The following SLC12A2 variants were observed in gnomAD, a reference collection of about 807,000 sequenced individuals.
The protein encoded by SLC12A2 is Na-K-2Cl cotransporter 1.
SLC12A2 carries 67 observed loss-of-function variants against 136.3 expected under a neutral mutation model. The observed-to-expected ratio is 0.49, with a 90% CI of 0.40 to 0.60. SLC12A2 has a LOEUF of 0.60. Ranked by LOEUF, SLC12A2 falls within the 20% of genes least tolerant of loss-of-function variation. The pLI, the probability that SLC12A2 is intolerant of heterozygous loss-of-function variation, is 0.00. For synonymous variants in SLC12A2, 619 were observed against 562.9 expected (o/e 1.10, Z -1.41); for missense variants, 1,322 against 1,534.7 (o/e 0.86, Z 2.32).
chr5:128,144,187 AG>A (rs1417898286), intron 10 of SLC12A2, among the ~76,000 whole-genome samples: 1 of 152,146 alleles, frequency 6.6e-6, no homozygotes, highest in Non-Finnish European at 1.5e-5. Context: ...AAGATAGAAA[AG>A]TTTGTTGTCT....
intron 18 of SLC12A2, chr5:128,168,659 G>C (rs547529948): frequency 6.6e-6 from 1 of 152,370 alleles, no homozygotes; most frequent in South Asian, 2.1e-4. Context: ...GGGGTGATGG[G>C]AGACAATTGA....
rs771476150 is a variant in SLC12A2, at chr5:128,153,862, C to T, written c.2363+1057C>T. Among the ~76,000 whole-genome samples the T allele has an allele frequency of 3.4e-4, 51 of 152,052 alleles. 1 individual carries two copies. The highest frequency in any genetic ancestry group is 6.2e-4 in the Non-Finnish European group (42 of 68,004). On this transcript the variant is annotated intron_variant, in intron 15 of 26. Coordinates refer to ENST00000262461, the MANE Select transcript of SLC12A2 (RefSeq NM_001046.3). ...GACTAAAAAGGTCTGAGAGACCACA[C>T]GCAGGTCTTCAGCTTTAGGGTAGAC...
chr5:128,128,851 GA>G (rs918876608), intron 4 of SLC12A2, among the ~76,000 whole-genome samples: 1 of 151,176 alleles, frequency 6.6e-6, no homozygotes, highest in African/African-American at 2.4e-5. Context: ...AAGTGGGAAG[GA>G]ATAGGGCAAA....
intron 10 of SLC12A2, among the ~76,000 whole-genome samples, chr5:128,144,467 T>G (rs1376440540): frequency 6.6e-6 from 1 of 152,184 alleles, no homozygotes; most frequent in Non-Finnish European, 1.5e-5. Flanking sequence ...CTTCAGGGAA[T>G]AAAGTTATTT....
chr5:128,127,338 G>A (rs1237944257), intron 4 of SLC12A2, among the ~76,000 whole-genome samples: 1 of 151,810 alleles, frequency 6.6e-6, no homozygotes, highest in East Asian at 1.9e-4. Flanking sequence ...AGCCAGGATG[G>A]TCTCCATCTC....
rs191511374 is a variant in SLC12A2 at position 128,147,575 on chromosome 5, A to T, written c.1774-47A>T. 11 of 1,207,232 alleles carry T rather than the reference A, an allele frequency of 9.1e-6. No individual in the cohort carries two copies. The Admixed American group carries it at 1.7e-4, about 19-fold the overall frequency. The allele number at this position is 1,207,232 out of a possible 1,614,324, so 74.8% of individuals were successfully genotyped here. On this transcript the variant is annotated intron_variant, in intron 10 of 26. Coordinates refer to ENST00000262461, the MANE Select transcript of SLC12A2 (RefSeq NM_001046.3). ...CCACATAATATTGTGTTATTTTCTG[A>T]ATTGTTTGTGAGATTTATTTTTCCA...
chr5:128,181,039 A>G (rs1561708133), intron 23 of SLC12A2, 45 bp downstream of exon 23: 1 of 1,065,908 alleles, frequency 9.4e-7, no homozygotes, highest in Non-Finnish European at 1.5e-6. Flanking sequence ...TTAGCACTTC[A>G]TTGCTACAGT....
intron 1 of SLC12A2, among the ~76,000 whole-genome samples, chr5:128,106,978 A>G (rs1227790568): frequency 6.6e-6 from 1 of 152,180 alleles, no homozygotes; most frequent in Non-Finnish European, 1.5e-5. Context: ...CTTGGAGGTT[A>G]TATATTTTAA....
chr5:128,114,542 A>G, intron 3 of SLC12A2, 44 bp from the exon 4 acceptor site: 1 of 1,324,216 alleles, frequency 7.6e-7, no homozygotes, highest in Non-Finnish European at 1.1e-6. Context: ...GATGAGCTTA[A>G]ACAAGAGTGT....
At chr5:128,152,658 G>T in intron 14 of SLC12A2, 48 bp from the exon 15 acceptor site, 1 of 1,162,184 alleles carries the variant, frequency 8.6e-7, no homozygotes, top group South Asian at 1.2e-5. Context: ...GCTATTGATT[G>T]GTTGTTATTA....
chr5:128,149,659 T>C (rs1762636118), intron 12 of SLC12A2, among the ~76,000 whole-genome samples: 2 of 151,972 alleles, frequency 1.3e-5, no homozygotes, highest in East Asian at 3.9e-4. Context: ...ATGATACATA[T>C]GGTATGCTAT....
Position 128,084,137 on chromosome 5 carries a change from C to G in SLC12A2, c.183C>G (p.Pro61=), listed in dbSNP as rs1759945284. The G allele has an allele frequency of 1.5e-6, 2 of 1,297,166 alleles. No homozygotes were observed. Among genetic ancestry groups the G allele is most frequent in the Non-Finnish European group, 1.9e-6 (2 of 1,028,642 alleles). 80.4% of individuals were successfully genotyped at this position (1,297,166 alleles called of 1,614,324 possible). The change falls in exon 1 of 27, where the codon CCC becomes CCG. Residue 61 remains proline, a synonymous_variant. Coordinates refer to ENST00000262461, the MANE Select transcript of SLC12A2 (RefSeq NM_001046.3). This position sits in a 1 kb window ranked among gnomAD's most constrained non-coding sequence, Gnocchi z 5.6. ...GCGGCGGGGTCCGCGATGAGGGCCC[C>G]GCGGCGGCCGGGGACGGGCTGGGCA... ...RDGGGVRDEG[P]AAAGDGLGRP... is the part of the protein sequence containing the mutation.
intron 23 of SLC12A2, among the ~76,000 whole-genome samples, chr5:128,182,612 T>C (rs912782054): frequency 1.3e-5 from 2 of 152,146 alleles, no homozygotes; most frequent in Non-Finnish European, 2.9e-5. Context: ...AATGTCTTTG[T>C]CCATTACTCA....
chr5:128,084,498 G>C lies in SLC12A2; in HGVS notation c.544G>C (p.Gly182Arg), dbSNP rs1236155786. The change falls in exon 1 of 27, where the codon GGC (glycine) becomes CGC (arginine). Residue 182 changes from glycine (G) to arginine (R), a missense_variant. By Grantham distance (125) the Gly-to-Arg change is moderately radical. This residue lies in a region of SLC12A2 where 358 missense variants were observed against 299.7 expected (regional missense o/e 1.19). Transcript: ENST00000262461. The surrounding 1 kb of genome is among the most constrained non-coding windows in gnomAD (Gnocchi z 5.6). ...CGGCGGGGACACGGTGCTGAGCGAG[G>C]GCAGCAGCCTGCACTCCGGCGGCGG... ...QNGGDTVLSEGSSLHSGGGGG... is the reference protein window; with the variant it reads ...QNGGDTVLSERSSLHSGGGGG... The C allele has an allele frequency of 6.2e-7, 1 of 1,612,304 alleles. No homozygotes were observed. The highest frequency in any genetic ancestry group is 1.1e-5 in the South Asian group (1 of 91,020).
chr5:128,122,564 C>A (rs369267523), intron 4 of SLC12A2, among the ~76,000 whole-genome samples: 8 of 152,066 alleles, frequency 5.3e-5, no homozygotes, highest in East Asian at 1.9e-4. Context: ...GCAGATTCTG[C>A]TTGTGAATTT....
At chr5:128,129,532 G>T (rs1761939323) in intron 4 of SLC12A2, among the ~76,000 whole-genome samples, 1 of 151,702 alleles carries the variant, frequency 6.6e-6, no homozygotes. Flanking sequence ...TAGTGGATGG[G>T]TTTAAAGTGT....
At chr5:128,185,869 A>G (rs1561711228) in intron 26 of SLC12A2, among the ~76,000 whole-genome samples, 1 of 152,130 alleles carries the variant, frequency 6.6e-6, no homozygotes, top group South Asian at 2.1e-4. Context: ...TTGAAAGATT[A>G]TAGTCTTTTA....
intron 4 of SLC12A2, among the ~76,000 whole-genome samples, chr5:128,119,259 T>C (rs891226441): frequency 1.3e-5 from 2 of 152,214 alleles, no homozygotes; most frequent in African/African-American, 4.8e-5. Flanking sequence ...TCTGAACTTT[T>C]TGTAGACTGA....
At chr5:128,163,950 G>A (rs74597863) in intron 17 of SLC12A2, among the ~76,000 whole-genome samples, 3,725 of 152,210 alleles carry the variant, frequency 0.024, 64 homozygotes, top group South Asian at 0.051. Flanking sequence ...TAGGTAGAAT[G>A]CTACACTGGG....
Sources: allele counts gnomAD v4.1 joint callset (sites outside exome capture counted in the v4.1 genomes callset), GRCh38; gene constraint gnomAD v4.1.1; regional missense constraint gnomAD v4.1.1; non-coding constraint Gnocchi (gnomAD v3.1); transcripts MANE v1.5; gene names NCBI Gene and HGNC (gene_info 2026-07-23, HGNC 2026-07-21).